MBTD1: variants seen among roughly 807,000 people sequenced by gnomAD.
MBTD1 encodes MBT domain-containing protein 1.
In MBTD1, 24 loss-of-function variants were observed where a neutral mutation model predicts 87.8. The ratio of observed to expected loss-of-function variants is 0.27; its 90% CI spans 0.20 to 0.38. The LOEUF (loss-of-function observed/expected upper bound fraction) is 0.38, where lower values mean the gene tolerates loss of function less well. MBTD1 is among the 10% of genes least tolerant of loss of function. MBTD1 has a pLI of 1.00. For synonymous variants in MBTD1, 237 were observed against 248.6 expected (o/e 0.95, Z 0.44); for missense variants, 436 against 760.2 (o/e 0.57, Z 5.02).
chr17:51,248,939 T>C (rs1353578223), intron 2 of MBTD1, among the ~76,000 whole-genome samples: 1 of 152,172 alleles, frequency 6.6e-6, no homozygotes, highest in South Asian at 2.1e-4. Flanking sequence ...TTTTTGTGAA[T>C]ATTCTGTGTT....
chr17:51,236,457 C>CTGGT (rs1285623437), intron 2 of MBTD1, among the ~76,000 whole-genome samples: 1 of 152,158 alleles, frequency 6.6e-6, no homozygotes, highest in East Asian at 1.9e-4. Context: ...GTTGGCCAGG[C>CTGGT]TGGTCTCAAA....
intron 2 of MBTD1, chr17:51,251,390 T>C (rs2054773383): frequency 6.6e-6 from 1 of 152,236 alleles, no homozygotes; most frequent in East Asian, 1.9e-4. Flanking sequence ...GTTTCCCTTA[T>C]GAGGCAATGC....
chr17:51,252,448 A>G (rs1325806224), intron 2 of MBTD1, among the ~76,000 whole-genome samples: 1 of 152,152 alleles, frequency 6.6e-6, no homozygotes, highest in Non-Finnish European at 1.5e-5. Context: ...AACCGAGGCC[A>G]GGTGCAGTGG....
At chr17:51,237,219 C>T (rs2143943935) in intron 2 of MBTD1, among the ~76,000 whole-genome samples, 1 of 150,518 alleles carries the variant, frequency 6.6e-6, no homozygotes, top group Non-Finnish European at 1.5e-5. Context: ...TCGCTTAACC[C>T]CAGGAGGCAG....
intron 6 of MBTD1, among the ~76,000 whole-genome samples, chr17:51,214,622 T>G (rs935014340): frequency 2.0e-5 from 3 of 152,162 alleles, no homozygotes; most frequent in Non-Finnish European, 4.4e-5. Context: ...CCATCCCAAT[T>G]CCTGACTCAA....
intron 2 of MBTD1, among the ~76,000 whole-genome samples, chr17:51,229,138 T>C (rs1043410889): frequency 9.9e-5 from 15 of 152,140 alleles, no homozygotes; most frequent in African/African-American, 3.6e-4. Context: ...AAGACCAATC[T>C]GGGCAACATA....
chr17:51,228,577 TGAAAA>T (rs373125053), intron 2 of MBTD1, among the ~76,000 whole-genome samples: 18 of 128,246 alleles, frequency 1.4e-4, no homozygotes, highest in African/African-American at 5.0e-4. Flanking sequence ...TTGTGAGAAG[TGAAAA>T]GAAAATAGGA....
At chr17:51,191,071 CAA>C (rs2050784386) in intron 16 of MBTD1, among the ~76,000 whole-genome samples, 1 of 151,682 alleles carries the variant, frequency 6.6e-6, no homozygotes, top group Non-Finnish European at 1.5e-5. Context: ...GCCTGAGCAA[CAA>C]AGTAAGGCCT....
intron 16 of MBTD1, among the ~76,000 whole-genome samples, chr17:51,188,244 T>G (rs1033969069): frequency 1.3e-5 from 2 of 152,212 alleles, no homozygotes; most frequent in East Asian, 3.9e-4. Context: ...GAATTACATC[T>G]TAAGGAAAAG....
chr17:51,193,613 A>G (rs976322686), intron 13 of MBTD1, 103 bp from the exon 14 acceptor site: 51 of 697,884 alleles, frequency 7.3e-5, no homozygotes, highest in Non-Finnish European at 3.1e-5. Context: ...AGCATAGGTT[A>G]TATGATCAAC....
Position 51,190,750 on chromosome 17 carries a change from A to AAAAAAAAAAT in MBTD1, c.1768+1452_1768+1453insATTTTTTTTT, listed in dbSNP as rs1555677185. 5.0e-5 allele frequency among the ~76,000 whole-genome samples: 2 copies of AAAAAAAAAAT among 39,708 alleles called. 1 individual carries two copies. The highest frequency in any genetic ancestry group is 3.0e-4 in the African/African-American group (2 of 6,570). The allele number at this position is 39,708 out of a possible 152,430, so 26.0% of individuals were successfully genotyped here. ...AAAAAAAAAAAAAAAAAAAAAAAAA[A>AAAAAAAAAAT]ATATATATATATATATATATAACCT... On this transcript the variant is annotated intron_variant, in intron 16 of 16. Coordinates refer to ENST00000586178, the MANE Select transcript of MBTD1 (RefSeq NM_017643.3).
intron 6 of MBTD1, among the ~76,000 whole-genome samples, chr17:51,214,426 A>G (rs1342833979): frequency 6.6e-6 from 1 of 152,218 alleles, no homozygotes; most frequent in Non-Finnish European, 1.5e-5. Flanking sequence ...TACTCTGTAG[A>G]AAGTTCTTTC....
intron 6 of MBTD1, among the ~76,000 whole-genome samples, chr17:51,211,558 T>C (rs1313582518): frequency 1.3e-5 from 2 of 151,434 alleles, no homozygotes; most frequent in African/African-American, 4.9e-5. Context: ...TAGAGTCCAC[T>C]GCTTTCCCGC....
At position 51,258,034 on chromosome 17, in the gene MBTD1, T is replaced by A. The variant is rs1216792610; in HGVS notation, c.-49+1109A>T. ...AAAAAAAAAAAAAAAGTACAGCTAT[T>A]TTCTTTCTAAACACTCTGGTGTTGA... On this transcript the variant is annotated intron_variant, in intron 2 of 16. Transcript: ENST00000586178. Among the ~76,000 whole-genome samples, 6 of 151,354 alleles carry A rather than the reference T, an allele frequency of 4.0e-5. No individual in the cohort carries two copies. In the East Asian group the frequency reaches 1.2e-3, roughly 29 times the overall value.
chr17:51,247,811 G>A (rs1332842086), intron 2 of MBTD1, among the ~76,000 whole-genome samples: 2 of 152,128 alleles, frequency 1.3e-5, no homozygotes, highest in Non-Finnish European at 2.9e-5. Context: ...ATGTAGCATC[G>A]GGAGTATCTG....
chr17:51,200,385 C>T (rs1286936570), intron 12 of MBTD1, among the ~76,000 whole-genome samples: 1 of 150,404 alleles, frequency 6.6e-6, no homozygotes, highest in East Asian at 2.0e-4. Flanking sequence ...AACAGTGAGA[C>T]CCCATTGCTA....
intron 2 of MBTD1, chr17:51,251,379 T>C (rs929320369): frequency 6.6e-6 from 1 of 152,234 alleles, no homozygotes; most frequent in Non-Finnish European, 1.5e-5. Context: ...CAAGTCTTCA[T>C]GTTTCCCTTA....
chr17:51,181,209 TAG>T (rs1223655445), intron 16 of MBTD1, among the ~76,000 whole-genome samples: 1 of 152,028 alleles, frequency 6.6e-6, no homozygotes, highest in African/African-American at 2.4e-5. Context: ...GTATTTTTAG[TAG>T]AGACAGGGTT....
intron 7 of MBTD1, among the ~76,000 whole-genome samples, 187 bp from the exon 8 acceptor site, chr17:51,204,112 A>C (rs1451174226): frequency 6.6e-6 from 1 of 151,800 alleles, no homozygotes; most frequent in Non-Finnish European, 1.5e-5. Flanking sequence ...GGGAACTGAG[A>C]ATATGCCTTT....
Sources: allele counts gnomAD v4.1 joint callset (sites outside exome capture counted in the v4.1 genomes callset), GRCh38; gene constraint gnomAD v4.1.1; transcripts MANE v1.5; gene names NCBI Gene and HGNC (gene_info 2026-07-23, HGNC 2026-07-21).